The following PSMD1 variants were observed in gnomAD, a reference collection of about 807,000 sequenced individuals.
PSMD1 encodes the protein 26S proteasome non-ATPase regulatory subunit 1.
PSMD1 carries 18 observed loss-of-function variants against 119.0 expected under a neutral mutation model. The observed-to-expected ratio is 0.15, with a 90% CI of 0.10 to 0.22. The LOEUF is 0.22. Among genes scored for constraint, PSMD1 ranks in the 10% least tolerant of loss-of-function variants. The probability of loss-of-function intolerance (pLI) is 1.00; values close to 1 mark genes in which losing one functional copy is unlikely to be tolerated. For missense variants in PSMD1, 702 were observed against 1,158.5 expected (o/e 0.61, Z 5.72); for synonymous variants, 374 against 396.6 (o/e 0.94, Z 0.68).
intron 16 of PSMD1, among the ~76,000 whole-genome samples, chr2:231,125,857 A>G (rs980270423): frequency 7.2e-5 from 11 of 152,194 alleles, no homozygotes; most frequent in African/African-American, 2.7e-4. Context: ...TTACTTATAA[A>G]TCAGTGATGA....
rs1490267006 is a variant in PSMD1 at position 231,067,125 on chromosome 2, G to A, written c.510+14G>A. The A allele has an allele frequency of 6.5e-7, 1 of 1,541,386 alleles. No homozygotes were observed. The highest frequency in any genetic ancestry group is 8.7e-7 in the Non-Finnish European group (1 of 1,145,074). Reference sequence around the variant, plus strand: ...ATACTGGAGTCGGTAGGTAGATGATGTTATTTTAGAAATTATTGTTGATAG... The same window carrying A: ...ATACTGGAGTCGGTAGGTAGATGATATTATTTTAGAAATTATTGTTGATAG... On this transcript the variant is annotated intron_variant, in intron 5 of 24. Transcript: ENST00000308696.
chr2:231,083,361 C>G (rs1010722292), intron 13 of PSMD1, among the ~76,000 whole-genome samples: 1 of 152,132 alleles, frequency 6.6e-6, no homozygotes, highest in Admixed American at 6.5e-5. Flanking sequence ...AAAAGGAAAA[C>G]AACCCTAAAT....
intron 17 of PSMD1, among the ~76,000 whole-genome samples, chr2:231,139,717 G>A (rs147917240): frequency 1.6e-3 from 250 of 152,000 alleles, no homozygotes; most frequent in African/African-American, 5.7e-3. Context: ...CACCAAAATC[G>A]GCTGATTTGA....
At chr2:231,120,002 G>T (rs1695481484) in intron 16 of PSMD1, among the ~76,000 whole-genome samples, 1 of 150,084 alleles carries the variant, frequency 6.7e-6, no homozygotes, top group Admixed American at 6.6e-5. Context: ...ACCCAGGCTG[G>T]AGTGCAGTGG....
intron 16 of PSMD1, among the ~76,000 whole-genome samples, chr2:231,127,617 G>A (rs1158866622): frequency 6.6e-6 from 1 of 152,186 alleles, no homozygotes; most frequent in Non-Finnish European, 1.5e-5. Context: ...GCCTCCCAAA[G>A]TGCTGGGATT....
intron 19 of PSMD1, among the ~76,000 whole-genome samples, chr2:231,157,598 A>G (rs936296562): frequency 7.3e-5 from 11 of 151,624 alleles, no homozygotes; most frequent in Admixed American, 3.3e-4. Flanking sequence ...GGGGGGGCCA[A>G]TTCTGTCACC....
intron 16 of PSMD1, among the ~76,000 whole-genome samples, chr2:231,117,155 A>G (rs887626607): frequency 1.2e-4 from 18 of 152,092 alleles, no homozygotes; most frequent in Admixed American, 3.3e-4. Flanking sequence ...ATTTCTGTTT[A>G]GAATAACTAA....
intron 16 of PSMD1, among the ~76,000 whole-genome samples, chr2:231,132,342 A>T (rs1196868094): frequency 6.6e-6 from 1 of 152,236 alleles, no homozygotes; most frequent in Non-Finnish European, 1.5e-5. Flanking sequence ...TCCCTGGAAT[A>T]TCCTGCCCTT....
At chr2:231,093,098 A>G (rs1694639237) in intron 16 of PSMD1, among the ~76,000 whole-genome samples, 1 of 152,210 alleles carries the variant, frequency 6.6e-6, no homozygotes, top group South Asian at 2.1e-4. Context: ...CCCAAGTAAC[A>G]GGGCAAAAGA....
intron 16 of PSMD1, among the ~76,000 whole-genome samples, chr2:231,098,711 G>A (rs571783338): frequency 5.3e-5 from 8 of 152,302 alleles, no homozygotes; most frequent in African/African-American, 1.9e-4. Context: ...GGATGCCCAA[G>A]ATGGACATTA....
chr2:231,076,969 T>C, intron 8 of PSMD1, 65 bp from the exon 9 acceptor site: 11 of 1,420,654 alleles, frequency 7.7e-6, no homozygotes, highest in Non-Finnish European at 1.0e-5. Flanking sequence ...TGAAATAAAA[T>C]TGGGTTACTG....
intron 16 of PSMD1, among the ~76,000 whole-genome samples, chr2:231,127,556 T>C (rs772360734): frequency 6.6e-6 from 1 of 152,190 alleles, no homozygotes; most frequent in Non-Finnish European, 1.5e-5. Flanking sequence ...GGTTTCGCCA[T>C]GTTGACCAGG....
chr2:231,159,171 GA>G (rs1172532587), intron 19 of PSMD1, among the ~76,000 whole-genome samples: 1 of 152,108 alleles, frequency 6.6e-6, no homozygotes, highest in Non-Finnish European at 1.5e-5. Flanking sequence ...TTCCAATTAA[GA>G]CCCTGATTAG....
At chr2:231,117,477 T>C (rs1695382003) in intron 16 of PSMD1, among the ~76,000 whole-genome samples, 1 of 152,118 alleles carries the variant, frequency 6.6e-6, no homozygotes, top group Admixed American at 6.5e-5. Context: ...TAATAGCATT[T>C]CTGTCAATGC....
intron 4 of PSMD1, among the ~76,000 whole-genome samples, chr2:231,063,980 A>G (rs1186787125): frequency 6.6e-6 from 1 of 151,966 alleles, no homozygotes; most frequent in South Asian, 2.1e-4. Context: ...TTTTTCTTTA[A>G]TGAAGGTTTA....
At chr2:231,112,936 AG>A (rs1471156053) in intron 16 of PSMD1, among the ~76,000 whole-genome samples, 3 of 152,106 alleles carry the variant, frequency 2.0e-5, no homozygotes, top group Non-Finnish European at 4.4e-5. Flanking sequence ...AGGCTGGGGC[AG>A]GGGGATCGCC....
chr2:231,109,066 T>TTC (rs1410477948), intron 16 of PSMD1: 1 of 1,614,244 alleles, frequency 6.2e-7, no homozygotes, highest in Admixed American at 1.7e-5. Context: ...GCATAAGTGT[T>TTC]TCATCACCTG....
intron 16 of PSMD1, among the ~76,000 whole-genome samples, chr2:231,096,075 C>T (rs981390636): frequency 2.6e-5 from 4 of 152,154 alleles, no homozygotes; most frequent in East Asian, 1.9e-4. Context: ...GACCTCAAAC[C>T]TCTTGTAAAT....
Position 231,062,572 on chromosome 2 carries a change from A to G in PSMD1, c.201A>G (p.Val67=). The change falls in exon 4 of 25, where the codon GTA becomes GTG. Residue 67 remains valine (V), a synonymous_variant. Coordinates refer to ENST00000308696, the MANE Select transcript of PSMD1 (RefSeq NM_002807.4). ...RQFAALVASK[V]FYHLGAFEES... ...TTGCAGCCTTAGTGGCATCTAAAGT[A>G]TTTTATCACCTGGGGGCTTTTGAGG... 2.5e-6 allele frequency: 4 copies of G among 1,612,790 alleles called. No individual in the cohort carries two copies. The highest frequency in any genetic ancestry group is 3.4e-6 in the Non-Finnish European group (4 of 1,179,628).
Sources: gnomAD v4.1 joint callset for allele counts (sites outside exome capture counted in the v4.1 genomes callset) on GRCh38, gnomAD v4.1.1 for gene constraint, MANE v1.5 for transcripts, NCBI Gene and HGNC (gene_info 2026-07-23, HGNC 2026-07-21) for gene names.